Variants in CDH7 observed in about 807,000 individuals in gnomAD.
CDH7 encodes the protein cadherin 7, also known as cadherin-7.
A neutral mutation model predicts 71.8 loss-of-function variants in CDH7; 25 were observed. That is an observed-to-expected ratio of 0.35 (90% CI 0.25 to 0.49). CDH7 has a LOEUF of 0.49. Ranked by LOEUF, CDH7 falls within the 20% of genes least tolerant of loss-of-function variation. The pLI, the probability that CDH7 is intolerant of heterozygous loss-of-function variation, is 0.99. For missense variants in CDH7, 862 were observed against 974.6 expected (o/e 0.88, Z 1.54); for synonymous variants, 381 against 363.8 (o/e 1.05, Z -0.54).
At chr18:65,875,480 G>GTA (rs1914047258) in intron 11 of CDH7, among the ~76,000 whole-genome samples, 1 of 151,906 alleles carries the variant, frequency 6.6e-6, no homozygotes, top group South Asian at 2.1e-4. Flanking sequence ...CTAATTTGTA[G>GTA]TATGGTGTGT....
intron 1 of CDH7, among the ~76,000 whole-genome samples, chr18:65,758,788 T>G (rs962725276): frequency 6.6e-6 from 1 of 152,330 alleles, no homozygotes; most frequent in Middle Eastern, 3.4e-3. Flanking sequence ...TGTTATACGG[T>G]TAACTTTTCA....
rs1184584250 is a variant in CDH7 at position 65,855,362 on chromosome 18, A to AAT, written c.1236-2454_1236-2453insAT. 2.6e-5 allele frequency among the ~76,000 whole-genome samples: 4 copies of AAT among 151,660 alleles called. No individual in the cohort carries two copies. The East Asian group carries it at 7.8e-4, about 30-fold the overall frequency. On this transcript the variant is annotated intron_variant, in intron 7 of 11. Transcript: ENST00000397968. ...CCAACATTGACAAAGGAAAAAAAAA[A>AAT]GCAGAAAAAATGATAAATATTAAGA... is the stretch of plus-strand genomic sequence containing the variant.
chr18:65,843,279 A>G (rs1054297930), intron 6 of CDH7, among the ~76,000 whole-genome samples: 8 of 152,250 alleles, frequency 5.3e-5, no homozygotes, highest in African/African-American at 1.7e-4. Context: ...TGCTTCATGG[A>G]GAAGAACTGG....
At chr18:65,753,966 A>G (rs1330150269) in intron 1 of CDH7, among the ~76,000 whole-genome samples, 1 of 152,210 alleles carries the variant, frequency 6.6e-6, no homozygotes, top group South Asian at 2.1e-4. Flanking sequence ...TATTGAAGTC[A>G]CATAAATCAC....
chr18:65,796,478 G>C (rs1433594012), intron 2 of CDH7, among the ~76,000 whole-genome samples: 2 of 152,052 alleles, frequency 1.3e-5, no homozygotes, highest in Admixed American at 1.3e-4. Flanking sequence ...GCAGTTCCTG[G>C]GATGTACAAT....
chr18:65,803,976 A>G (rs1911220461), intron 2 of CDH7, among the ~76,000 whole-genome samples: 1 of 151,998 alleles, frequency 6.6e-6, no homozygotes, highest in East Asian at 1.9e-4. Context: ...TCTTATTCCA[A>G]CGTTCATTTT....
intron 6 of CDH7, 133 bp downstream of exon 6, chr18:65,824,964 C>T: frequency 2.0e-6 from 1 of 500,908 alleles, no homozygotes; most frequent in South Asian, 4.6e-5. Flanking sequence ...ATAAGCTATA[C>T]ATTTAATTTT....
rs1913086646 is a variant in CDH7, at chr18:65,849,951, G to A, written c.1235+5886G>A. On this transcript the variant is annotated intron_variant, in intron 7 of 11. Transcript: ENST00000397968. ...GGCCGAGATGGGTGGATCATTTTAG[G>A]CCAGGAATTCGAGACCAGCCTGGCC... Among the ~76,000 whole-genome samples the A allele has an allele frequency of 3.3e-5, 5 of 151,636 alleles. No homozygotes were observed. In the South Asian group the frequency reaches 1.0e-3, roughly 32 times the overall value.
intron 11 of CDH7, among the ~76,000 whole-genome samples, chr18:65,864,600 AT>A (rs1913693539): frequency 6.6e-6 from 1 of 151,866 alleles, no homozygotes; most frequent in South Asian, 2.1e-4. Flanking sequence ...TAAAAATTAC[AT>A]TTGTGGGCCA....
chr18:65,775,894 T>C (rs754194147), intron 2 of CDH7, among the ~76,000 whole-genome samples: 4 of 152,192 alleles, frequency 2.6e-5, no homozygotes, highest in Non-Finnish European at 5.9e-5. Flanking sequence ...GGGACTGTTA[T>C]GCCAGGTATC....
At chr18:65,847,482 T>C (rs960362079) in intron 7 of CDH7, among the ~76,000 whole-genome samples, 2 of 152,166 alleles carry the variant, frequency 1.3e-5, no homozygotes, top group Admixed American at 6.6e-5. Flanking sequence ...GGCAATAAAT[T>C]AGAATTCTAG....
At chr18:65,822,808 G>A (rs1911983305) in intron 5 of CDH7, among the ~76,000 whole-genome samples, 1 of 151,502 alleles carries the variant, frequency 6.6e-6, no homozygotes, top group African/African-American at 2.4e-5. Flanking sequence ...TAAAGAACTA[G>A]AAAACCAAAT....
intron 11 of CDH7, chr18:65,865,284 T>G (rs550971501): frequency 3.2e-4 from 48 of 152,268 alleles, no homozygotes; most frequent in African/African-American, 1.1e-3. Context: ...ATACTGTATA[T>G]GAGTATACAT....
chr18:65,849,339 T>TTTTTCTTTCCTTTTTC (rs1913048456), intron 7 of CDH7, among the ~76,000 whole-genome samples: 44 of 82,816 alleles, frequency 5.3e-4, no homozygotes, highest in Non-Finnish European at 7.5e-4. Context: ...TAGCCTTTCC[T>TTTTTCTTTCCTTTTTC]TTTTCTTTTC....
intron 2 of CDH7, among the ~76,000 whole-genome samples, chr18:65,777,574 A>G (rs1438446501): frequency 1.3e-5 from 2 of 152,042 alleles, no homozygotes; most frequent in Non-Finnish European, 2.9e-5. Context: ...TATTTGCATG[A>G]CAAATTCATC....
intron 2 of CDH7, among the ~76,000 whole-genome samples, chr18:65,779,230 G>A (rs1910084077): frequency 6.9e-6 from 1 of 145,518 alleles, no homozygotes; most frequent in African/African-American, 2.5e-5. Flanking sequence ...AGAATTGGAA[G>A]CTGGAGCCAT....
chr18:65,832,828 G>C (rs1756506286), intron 6 of CDH7, among the ~76,000 whole-genome samples: 1 of 151,882 alleles, frequency 6.6e-6, no homozygotes, highest in African/African-American at 2.4e-5. Context: ...ATATATGGAA[G>C]TCTTTCCTCT....
intron 2 of CDH7, among the ~76,000 whole-genome samples, chr18:65,774,567 C>G (rs994440642): frequency 6.6e-6 from 1 of 152,020 alleles, no homozygotes; most frequent in African/African-American, 2.4e-5. Flanking sequence ...GGGGGCCTGA[C>G]ACTTCATTTT....
intron 3 of CDH7, among the ~76,000 whole-genome samples, chr18:65,811,400 G>A (rs1450742267): frequency 6.6e-6 from 1 of 152,118 alleles, no homozygotes; most frequent in Admixed American, 6.5e-5. Flanking sequence ...AAATGACAAG[G>A]AGACAGAAGA....
Sources: gnomAD v4.1 joint callset for allele counts (sites outside exome capture counted in the v4.1 genomes callset) on GRCh38, gnomAD v4.1.1 for gene constraint, MANE v1.5 for transcripts, NCBI Gene and HGNC (gene_info 2026-07-23, HGNC 2026-07-21) for gene names.